MYO5B: variants seen among roughly 807,000 people sequenced by gnomAD.
The protein encoded by MYO5B is unconventional myosin-Vb.
MYO5B carries 143 observed loss-of-function variants against 229.3 expected under a neutral mutation model. The observed-to-expected ratio is 0.62, with a 90% CI of 0.54 to 0.72. The LOEUF (loss-of-function observed/expected upper bound fraction) is 0.72, where lower values mean the gene tolerates loss of function less well. Ranked by LOEUF, MYO5B falls within the 30% of genes least tolerant of loss-of-function variation. MYO5B has a pLI of 0.00. For synonymous variants in MYO5B, 918 were observed against 885.2 expected, an observed-to-expected ratio of 1.04 and a Z score of -0.66; for missense variants, 2,321 against 2,331.0, an observed-to-expected ratio of 1.00 and a Z score of 0.09.
intron 1 of MYO5B, among the ~76,000 whole-genome samples, chr18:50,145,707 C>A (rs1378637902): frequency 6.6e-6 from 1 of 151,922 alleles, no homozygotes; most frequent in Admixed American, 6.6e-5. Flanking sequence ...ACAGCTCTAA[C>A]AAAAGTCAAA....
At chr18:49,852,360 T>C (rs531744007) in intron 31 of MYO5B, among the ~76,000 whole-genome samples, 55 of 152,312 alleles carry the variant, frequency 3.6e-4, no homozygotes, top group African/African-American at 1.3e-3. Context: ...ACATGGTGCA[T>C]TTCTTTTCAT....
Position 50,062,746 on chromosome 18 carries a change from G to A in MYO5B, c.28-7368C>T, listed in dbSNP as rs2030720001. ...TGATGATTAGTCCTGCAAATTTGGG[G>A]AGCCCAAATCAAGAACATTCCCATT... On this transcript the variant is annotated intron_variant, in intron 1 of 39. Transcript: ENST00000285039. Among the ~76,000 whole-genome samples the A allele has an allele frequency of 2.6e-5, 4 of 152,248 alleles. No homozygotes were observed. The South Asian group carries it at 8.3e-4, about 32-fold the overall frequency.
At chr18:50,013,857 C>T (rs1052998945) in intron 4 of MYO5B, among the ~76,000 whole-genome samples, 9 of 152,164 alleles carry the variant, frequency 5.9e-5, no homozygotes, top group Non-Finnish European at 1.0e-4. Context: ...GCTTGGGTTT[C>T]CCTGGCAGGA....
intron 1 of MYO5B, among the ~76,000 whole-genome samples, chr18:50,077,857 T>G (rs2031125165): frequency 6.6e-6 from 1 of 152,158 alleles, no homozygotes; most frequent in Admixed American, 6.6e-5. Flanking sequence ...ACTGCAAGTT[T>G]CCGGTTCCTA....
chr18:50,084,031 TTA>T (rs1599008402), intron 1 of MYO5B, among the ~76,000 whole-genome samples: 1 of 152,196 alleles, frequency 6.6e-6, no homozygotes, highest in African/African-American at 2.4e-5. Context: ...GTGCCTCAGT[TTA>T]TCATGGAACC....
chr18:50,055,988 G>T (rs552715924), intron 1 of MYO5B, among the ~76,000 whole-genome samples: 66 of 152,250 alleles, frequency 4.3e-4, no homozygotes, highest in African/African-American at 1.5e-3. Context: ...TGTGATCACA[G>T]GTCACTGCAG....
intron 30 of MYO5B, among the ~76,000 whole-genome samples, 169 bp downstream of exon 30, chr18:49,856,644 G>A (rs994064187): frequency 5.9e-5 from 9 of 152,220 alleles, no homozygotes; most frequent in African/African-American, 2.2e-4. Flanking sequence ...AGCCATATCT[G>A]TACAGCCTGG....
intron 1 of MYO5B, among the ~76,000 whole-genome samples, chr18:50,095,171 A>G (rs1390028785): frequency 1.3e-5 from 2 of 152,210 alleles, no homozygotes; most frequent in African/African-American, 4.8e-5. Flanking sequence ...CTCACAGAGT[A>G]TCCCCTCACC....
intron 26 of MYO5B, among the ~76,000 whole-genome samples, chr18:49,872,983 G>C (rs948783278): frequency 6.6e-6 from 1 of 152,186 alleles, no homozygotes; most frequent in Non-Finnish European, 1.5e-5. Context: ...TTATGAGGGA[G>C]GAAAGCTCCC....
intron 22 of MYO5B, among the ~76,000 whole-genome samples, chr18:49,887,469 G>A (rs1214756537): frequency 6.6e-6 from 1 of 151,984 alleles, no homozygotes; most frequent in Non-Finnish European, 1.5e-5. Flanking sequence ...CTGAGTTCAC[G>A]TGAGATCTGG....
At chr18:50,034,576 C>G (rs1197215164) in intron 4 of MYO5B, among the ~76,000 whole-genome samples, 1 of 152,030 alleles carries the variant, frequency 6.6e-6, no homozygotes, top group Non-Finnish European at 1.5e-5. Flanking sequence ...AAACCCCGTC[C>G]CTACTAAAAA....
rs2025803025 is a variant in MYO5B, at chr18:49,980,551, C to T, written c.949G>A (p.Val317Met). 6.2e-7 allele frequency: 1 copy of T among 1,605,710 alleles called. No individual in the cohort carries two copies. Among genetic ancestry groups the T allele is most frequent in the Non-Finnish European group, 8.5e-7 (1 of 1,172,364 alleles). The change falls in exon 9 of 40, where the codon GTG becomes ATG. Residue 317 changes from valine to methionine, a missense_variant and splice_region_variant. Val to Met is a conservative substitution (Grantham distance 21). Transcript: ENST00000285039. Reference sequence around the variant, plus strand: ...ATGCTCATCTGATGGGACTCTTTCACTCCTGGAAAAGAAAAATGAATGGAT... The same window carrying T: ...ATGCTCATCTGATGGGACTCTTTCATTCCTGGAAAAGAAAAATGAATGGAT... ...KTRQAFTLLG[V>M]KESHQMSIFK...
intron 17 of MYO5B, among the ~76,000 whole-genome samples, chr18:49,917,391 C>G (rs930987872): frequency 2.5e-4 from 38 of 152,216 alleles, no homozygotes; most frequent in African/African-American, 8.7e-4. Context: ...GTCCTAACAC[C>G]ATGCAGCATC....
chr18:49,983,989 G>A (rs966124785), intron 8 of MYO5B, among the ~76,000 whole-genome samples: 28 of 152,200 alleles, frequency 1.8e-4, no homozygotes, highest in Non-Finnish European at 3.8e-4. Context: ...GGCTGGGGAA[G>A]ACACAAGCAC....
intron 21 of MYO5B, among the ~76,000 whole-genome samples, chr18:49,899,344 T>C (rs935607026): frequency 6.6e-6 from 1 of 152,224 alleles, no homozygotes; most frequent in African/African-American, 2.4e-5. Context: ...ATGGAGATTA[T>C]GTCAATGCTT....
chr18:49,892,366 C>T (rs1290210641), intron 22 of MYO5B, among the ~76,000 whole-genome samples: 1 of 152,160 alleles, frequency 6.6e-6, no homozygotes, highest in African/African-American at 2.4e-5. Context: ...GGAGACTTGG[C>T]CTCCCACAGG....
chr18:49,972,077 G>A (rs897457487), intron 10 of MYO5B, among the ~76,000 whole-genome samples: 27 of 152,098 alleles, frequency 1.8e-4, no homozygotes, highest in African/African-American at 6.3e-4. Flanking sequence ...AAGGAGCCCG[G>A]AAGCCACTCT....
chr18:50,093,075 GAAAAAA>G (rs2031480825), intron 1 of MYO5B, among the ~76,000 whole-genome samples: 1 of 151,922 alleles, frequency 6.6e-6, no homozygotes, highest in Non-Finnish European at 1.5e-5. Flanking sequence ...TAAATAGACT[GAAAAAA>G]TACAAAGAGC....
chr18:49,963,373 G>T (rs912091234), intron 10 of MYO5B, among the ~76,000 whole-genome samples: 1 of 151,622 alleles, frequency 6.6e-6, no homozygotes, highest in Non-Finnish European at 1.5e-5. Flanking sequence ...AAAAAAGTCA[G>T]AACTATGTAA....
Sources: gnomAD v4.1 joint callset for allele counts (sites outside exome capture counted in the v4.1 genomes callset) on GRCh38, gnomAD v4.1.1 for gene constraint, MANE v1.5 for transcripts, NCBI Gene and HGNC (gene_info 2026-07-23, HGNC 2026-07-21) for gene names.